ASTN2: variants seen among roughly 807,000 people sequenced by gnomAD.
ASTN2 encodes the protein astrotactin-2.
ASTN2 carries 54 observed loss-of-function variants against 139.8 expected under a neutral mutation model. The ratio of observed to expected loss-of-function variants is 0.39; its 90% CI spans 0.31 to 0.48. The LOEUF (loss-of-function observed/expected upper bound fraction) is 0.48. Ranked by LOEUF, ASTN2 falls within the 20% of genes least tolerant of loss-of-function variation. The pLI, the probability that ASTN2 is intolerant of heterozygous loss-of-function variation, is 0.95. For synonymous variants in ASTN2, 756 were observed against 719.5 expected (o/e 1.05, Z -0.81); for missense variants, 1,565 against 1,725.1 (o/e 0.91, Z 1.64).
At chr9:116,998,962 C>A (rs925674683) in intron 7 of ASTN2, among the ~76,000 whole-genome samples, 7 of 152,162 alleles carry the variant, frequency 4.6e-5, no homozygotes, top group Admixed American at 4.6e-4. Context: ...TAGAAACAAT[C>A]TGTAAACATT....
rs1828604498 is a variant in ASTN2 at position 116,725,792 on chromosome 9, G to A, written c.2785C>T (p.Leu929=). 6.2e-7 allele frequency: 1 copy of A among 1,613,474 alleles called. No homozygotes were observed. The highest frequency in any genetic ancestry group is 1.3e-5 in the African/African-American group (1 of 74,906). Residue 929 remains leucine (L), a synonymous_variant, in exon 16 of 23, where the codon CTG becomes TTG. Coordinates refer to ENST00000313400, the MANE Select transcript of ASTN2 (RefSeq NM_001365068.1). ...TTACCTTTCTGATACTGGAGCCACAGCTGCTGCTGGACCTTCTTGCTGGGA... is the reference window on the plus strand; with the variant it reads ...TTACCTTTCTGATACTGGAGCCACAACTGCTGCTGGACCTTCTTGCTGGGA... ...HFPSKKVQQQ[L]WLQYQKETTE... is the part of the protein sequence containing the mutation.
chr9:117,112,248 C>A (rs1829269059), intron 4 of ASTN2, among the ~76,000 whole-genome samples: 1 of 151,396 alleles, frequency 6.6e-6, no homozygotes, highest in Admixed American at 6.6e-5. Context: ...GTTATAATCC[C>A]AACAAGGTTT....
intron 5 of ASTN2, among the ~76,000 whole-genome samples, chr9:117,051,098 C>T (rs1838900473): frequency 6.6e-6 from 1 of 152,036 alleles, no homozygotes; most frequent in Non-Finnish European, 1.5e-5. Flanking sequence ...GCCACAAGAC[C>T]TCAGAATGGC....
intron 10 of ASTN2, among the ~76,000 whole-genome samples, chr9:116,889,120 C>A (rs1017927436): frequency 6.6e-6 from 1 of 152,112 alleles, no homozygotes; most frequent in Non-Finnish European, 1.5e-5. Context: ...CTGGCCTCAA[C>A]TGATCCACCA....
At chr9:117,279,435 A>G (rs936262540) in intron 2 of ASTN2, among the ~76,000 whole-genome samples, 1 of 152,176 alleles carries the variant, frequency 6.6e-6, no homozygotes, top group Admixed American at 6.5e-5. Context: ...ATTTGTATAG[A>G]GTTTGCATAT....
At chr9:116,549,265 A>AG (rs201343731) in intron 19 of ASTN2, among the ~76,000 whole-genome samples, 23,836 of 151,434 alleles carry the variant, frequency 0.16, 2,107 homozygotes, top group African/African-American at 0.21. Flanking sequence ...AATGAAAAAA[A>AG]AAAAACAGAA....
In ASTN2 at chr9:116,531,440, G is replaced by A. The variant is rs191770897; in HGVS notation, c.3356-43940C>T. Among the ~76,000 whole-genome samples, 36 of 152,180 alleles carry A rather than the reference G, an allele frequency of 2.4e-4. No individual in the cohort carries two copies. The East Asian group carries it at 5.6e-3, about 24-fold the overall frequency. ...GTGCAGGTTTGTTACATATGTATAC[G>A]TGTGCCATGTCGGTGTGTTGCACCC... On this transcript the variant is annotated intron_variant, in intron 19 of 22. Coordinates refer to ENST00000313400, the MANE Select transcript of ASTN2 (RefSeq NM_001365068.1).
chr9:117,072,618 C>A (rs1176190964), intron 5 of ASTN2, among the ~76,000 whole-genome samples: 2 of 152,164 alleles, frequency 1.3e-5, no homozygotes, highest in Non-Finnish European at 1.5e-5. Context: ...CCCTTTGTAG[C>A]ATAGTTCCAG....
chr9:117,109,694 G>A (rs1313952260), intron 4 of ASTN2, among the ~76,000 whole-genome samples: 1 of 151,996 alleles, frequency 6.6e-6, no homozygotes, highest in Non-Finnish European at 1.5e-5. Context: ...AGTTTCAGTT[G>A]TTTCATCCAA....
At chr9:116,720,463 T>C (rs927911841) in intron 16 of ASTN2, among the ~76,000 whole-genome samples, 4 of 152,160 alleles carry the variant, frequency 2.6e-5, no homozygotes, top group Non-Finnish European at 5.9e-5. Context: ...TTCTTTCACT[T>C]CTAGCCTCTC....
chr9:116,595,474 G>T (rs60999502), intron 19 of ASTN2, among the ~76,000 whole-genome samples: 20,600 of 151,996 alleles, frequency 0.14, 1,513 homozygotes, highest in Middle Eastern at 0.19. Context: ...CTACAGGGGC[G>T]CACCACCATG....
chr9:117,399,502 C>T (rs1033525189), intron 1 of ASTN2, among the ~76,000 whole-genome samples: 1 of 152,194 alleles, frequency 6.6e-6, no homozygotes, highest in Non-Finnish European at 1.5e-5. Context: ...ATTTAGACGG[C>T]ACATGAGTGT....
intron 4 of ASTN2, among the ~76,000 whole-genome samples, chr9:117,136,672 G>A (rs982105027): frequency 1.6e-4 from 24 of 152,120 alleles, no homozygotes; most frequent in African/African-American, 5.8e-4. Flanking sequence ...GCAGGAATCT[G>A]GATGAGGGAC....
intron 10 of ASTN2, among the ~76,000 whole-genome samples, chr9:116,909,684 A>G (rs1233461286): frequency 6.6e-6 from 1 of 152,200 alleles, no homozygotes; most frequent in African/African-American, 2.4e-5. Flanking sequence ...AGAGGTCAGA[A>G]AGAAGGGAGG....
intron 2 of ASTN2, among the ~76,000 whole-genome samples, chr9:117,237,712 C>G (rs894386097): frequency 6.6e-6 from 1 of 152,214 alleles, no homozygotes; most frequent in African/African-American, 2.4e-5. Flanking sequence ...ATCTCCTGAA[C>G]TTGTGATCTG....
Position 116,698,865 on chromosome 9 carries a change from G to A in ASTN2, c.2806+26906C>T. ...CACTCCAGGAATGTTCAATCTTCCA[G>A]TCAGTCTCTACGTGACCAGTCAAGG... is the stretch of plus-strand genomic sequence containing the variant. On this transcript the variant is annotated intron_variant, in intron 16 of 22. Coordinates refer to ENST00000313400, the MANE Select transcript of ASTN2 (RefSeq NM_001365068.1). This position sits in a 1 kb window ranked among gnomAD's most constrained non-coding sequence, Gnocchi z 4.4. 2 of 1,614,248 alleles carry A rather than the reference G, an allele frequency of 1.2e-6. No homozygotes were observed. Among genetic ancestry groups the A allele is most frequent in the Non-Finnish European group, 1.7e-6 (2 of 1,180,048 alleles).
chr9:116,974,593 C>A (rs1279344763), intron 10 of ASTN2, among the ~76,000 whole-genome samples: 1 of 147,438 alleles, frequency 6.8e-6, no homozygotes, highest in Non-Finnish European at 1.5e-5. Context: ...ACTGCAACTT[C>A]CGCCTCCTGG....
At chr9:117,076,029 C>A (rs1476420895) in intron 5 of ASTN2, among the ~76,000 whole-genome samples, 2 of 152,182 alleles carry the variant, frequency 1.3e-5, no homozygotes, top group Non-Finnish European at 2.9e-5. Context: ...GCTCCATAGG[C>A]CCTGGGGATA....
intron 19 of ASTN2, among the ~76,000 whole-genome samples, chr9:116,571,659 C>T (rs1853521806): frequency 1.3e-5 from 2 of 152,116 alleles, no homozygotes; most frequent in African/African-American, 2.4e-5. Flanking sequence ...GTTTACGCAT[C>T]TGTGTGCCTG....
Sources: allele counts gnomAD v4.1 joint callset (sites outside exome capture counted in the v4.1 genomes callset), GRCh38; gene constraint gnomAD v4.1.1; non-coding constraint Gnocchi (gnomAD v3.1); transcripts MANE v1.5; gene names NCBI Gene and HGNC (gene_info 2026-07-23, HGNC 2026-07-21).